ENOX2: variants seen among roughly 807,000 people sequenced by gnomAD.
ENOX2 encodes the protein APK1 antigen.
In ENOX2, 36 loss-of-function variants were observed where a neutral mutation model predicts 45.0. The ratio of observed to expected loss-of-function variants is 0.80; its 90% CI spans 0.61 to 1.06. The LOEUF is 1.06. ENOX2 is among the 50% of genes least tolerant of loss of function. The pLI is 0.00. For synonymous variants in ENOX2, 174 were observed against 152.3 expected (o/e 1.14, Z -1.05); for missense variants, 423 against 462.5 (o/e 0.91, Z 0.78).
At chrX:130,891,606 T>C (rs1400767084) in intron 2 of ENOX2, among the ~76,000 whole-genome samples, 1 of 99,243 alleles carries the variant, frequency 1.0e-5, no homozygotes, top group Non-Finnish European at 2.0e-5. Context: ...GCTCAAGTAA[T>C]CCTCCTATAG....
At chrX:130,752,739 T>A (rs1457062965) in intron 3 of ENOX2, among the ~76,000 whole-genome samples, 2 of 111,128 alleles carry the variant, frequency 1.8e-5, no homozygotes, top group African/African-American at 6.5e-5. Context: ...TCTCTTTCTT[T>A]CTCTTTCCTT....
intron 10 of ENOX2, among the ~76,000 whole-genome samples, chrX:130,655,827 G>A (rs1603297948): frequency 9.0e-6 from 1 of 111,702 alleles, no homozygotes; most frequent in Non-Finnish European, 1.9e-5. Context: ...GTAGCGATGG[G>A]GTTTCGCCAT....
At chrX:130,804,326 A>G (rs2077265091) in intron 2 of ENOX2, among the ~76,000 whole-genome samples, 2 of 108,061 alleles carry the variant, frequency 1.9e-5, no homozygotes, top group African/African-American at 7.2e-5. Flanking sequence ...GTTTGTCTCT[A>G]AGTCCTTGTT....
At chrX:130,879,149 G>A (rs1419486618) in intron 2 of ENOX2, among the ~76,000 whole-genome samples, 2 of 111,590 alleles carry the variant, frequency 1.8e-5, no homozygotes, top group African/African-American at 6.5e-5. Context: ...CAAACCCCAC[G>A]GTCAAGGTTT....
chrX:130,651,082 T>G (rs2036386953), intron 10 of ENOX2, among the ~76,000 whole-genome samples: 1 of 111,865 alleles, frequency 8.9e-6, no homozygotes, highest in Admixed American at 9.4e-5. Context: ...GGGAAAAAGC[T>G]AAAAAGAACA....
chrX:130,889,883 T>C (rs776578949), intron 2 of ENOX2, among the ~76,000 whole-genome samples: 2 of 112,447 alleles, frequency 1.8e-5, no homozygotes, highest in Non-Finnish European at 3.8e-5. Flanking sequence ...AGAGGCCTCA[T>C]CCCTGCTACC....
intron 2 of ENOX2, among the ~76,000 whole-genome samples, chrX:130,899,045 A>G (rs886285280): frequency 7.2e-5 from 8 of 111,120 alleles, no homozygotes; most frequent in Admixed American, 5.8e-4. Context: ...CTGGCAAAGT[A>G]TCAGGGCAGG....
intron 3 of ENOX2, among the ~76,000 whole-genome samples, chrX:130,766,490 C>T (rs1048843506): frequency 9.0e-6 from 1 of 111,599 alleles, no homozygotes; most frequent in African/African-American, 3.2e-5. Flanking sequence ...ATTTTATAGT[C>T]GATTCTTTTT....
chrX:130,728,566 A>G (rs1222506676), intron 3 of ENOX2, among the ~76,000 whole-genome samples: 1 of 110,748 alleles, frequency 9.0e-6, no homozygotes, highest in Non-Finnish European at 1.9e-5. Flanking sequence ...TGTTAGTCCT[A>G]TATTCTTTGT....
intron 2 of ENOX2, among the ~76,000 whole-genome samples, chrX:130,795,281 G>A (rs937157939): frequency 3.6e-5 from 4 of 111,718 alleles, no homozygotes; most frequent in Admixed American, 2.9e-4. Flanking sequence ...CCCTGCCTAA[G>A]CTGAAGTCAA....
chrX:130,786,067 CCT>C (rs1055393586), intron 2 of ENOX2, among the ~76,000 whole-genome samples: 25 of 112,906 alleles, frequency 2.2e-4, no homozygotes, highest in African/African-American at 6.4e-4. Flanking sequence ...AGGAAACTTC[CCT>C]CTCTCCCTCC....
chrX:130,876,036 AT>A (rs1454467081), intron 2 of ENOX2, among the ~76,000 whole-genome samples: 4 of 111,779 alleles, frequency 3.6e-5, no homozygotes, highest in Non-Finnish European at 7.5e-5. Context: ...TTTGGAAAAC[AT>A]TTTTGCCACC....
intron 10 of ENOX2, among the ~76,000 whole-genome samples, chrX:130,652,347 C>T (rs1006548095): frequency 4.5e-5 from 5 of 111,898 alleles, no homozygotes; most frequent in South Asian, 7.5e-4. Flanking sequence ...TGTGGATAGT[C>T]CCCCAAATTC....
rs1194146290 is a variant in ENOX2, at chrX:130,692,580, G to GT, written c.98-3563dup. ...ATGTTGATTTGTATTATCTCTCTCT[G>GT]TTTTTTTTTTTTTTTTTTGAGACGG... is the stretch of plus-strand genomic sequence containing the variant. On this transcript the variant is annotated intron_variant, in intron 4 of 14. Transcript: ENST00000394363. Among the ~76,000 whole-genome samples, 598 of 94,868 alleles carry GT rather than the reference G, an allele frequency of 6.3e-3. 3 individuals carry two copies. Among genetic ancestry groups the GT allele is most frequent in the East Asian group, 0.016 (49 of 3,017 alleles). The allele number at this position is 94,868 out of a possible 115,157, so 82.4% of individuals were successfully genotyped here.
intron 9 of ENOX2, among the ~76,000 whole-genome samples, chrX:130,659,770 T>C (rs2036640747): frequency 8.9e-6 from 1 of 112,389 alleles, no homozygotes; most frequent in Admixed American, 9.4e-5. Flanking sequence ...AGAAAGTTAT[T>C]GTGTTTCTCA....
intron 2 of ENOX2, among the ~76,000 whole-genome samples, chrX:130,811,174 C>G (rs2077383872): frequency 9.0e-6 from 1 of 111,288 alleles, no homozygotes; most frequent in Non-Finnish European, 1.9e-5. Context: ...CAGTGCCAGA[C>G]CAGCCCTCAA....
Position 130,703,009 on chromosome X carries a change from A to G in ENOX2, c.97+111T>C. The G allele has an allele frequency of 7.1e-6, 6 of 839,652 alleles. No individual in the cohort carries two copies. In the South Asian group the frequency reaches 1.6e-4, roughly 22 times the overall value. 69.2% of individuals were successfully genotyped at this position (839,652 alleles called of 1,213,427 possible). On this transcript the variant is annotated intron_variant, in intron 4 of 14. Transcript: ENST00000394363. ...CTCATATTACAAAAATGCACACTCT[A>G]GGCAGAATCTGGTAAATGTCAACTT...
intron 10 of ENOX2, among the ~76,000 whole-genome samples, chrX:130,648,816 G>A (rs1161724389): frequency 9.2e-6 from 1 of 108,369 alleles, no homozygotes; most frequent in Non-Finnish European, 1.9e-5. Flanking sequence ...TTGGGAGGCC[G>A]AGGCTGGTGG....
intron 5 of ENOX2, among the ~76,000 whole-genome samples, chrX:130,684,494 G>A (rs2037393814): frequency 9.0e-6 from 1 of 111,727 alleles, no homozygotes; most frequent in African/African-American, 3.3e-5. Flanking sequence ...AAGAGATATA[G>A]ACTAAAAATA....
Sources: allele counts gnomAD v4.1 joint callset (sites outside exome capture counted in the v4.1 genomes callset), GRCh38; gene constraint gnomAD v4.1.1; transcripts MANE v1.5; gene names NCBI Gene and HGNC (gene_info 2026-07-23, HGNC 2026-07-21).